The following NHSL1 variants were observed in gnomAD, a reference collection of about 807,000 sequenced individuals.
NHSL1 encodes NHS-like protein 1.
NHSL1 carries 48 observed loss-of-function variants against 95.0 expected under a neutral mutation model. The observed-to-expected ratio is 0.51, with a 90% confidence interval of 0.40 to 0.64. NHSL1 has a LOEUF of 0.64. Ranked by LOEUF, NHSL1 falls within the 30% of genes least tolerant of loss-of-function variation. The probability of loss-of-function intolerance (pLI) is 0.00; values close to 1 mark genes in which losing one functional copy is unlikely to be tolerated. For synonymous variants in NHSL1, 783 were observed against 833.9 expected (o/e 0.94, Z 1.05); for missense variants, 1,971 against 2,077.7 (o/e 0.95, Z 1.00).
chr6:138,669,830 T>G (rs1785340761), intron 1 of NHSL1, among the ~76,000 whole-genome samples: 1 of 152,130 alleles, frequency 6.6e-6, no homozygotes, highest in African/African-American at 2.4e-5. Context: ...CTAAATAAAG[T>G]TACTGACAGG....
chr6:138,537,963 A>G (rs766776929), intron 1 of NHSL1, among the ~76,000 whole-genome samples: 1 of 152,200 alleles, frequency 6.6e-6, no homozygotes, highest in African/African-American at 2.4e-5. Context: ...TGACTGGCAC[A>G]TGGTAAGTGC....
intron 1 of NHSL1, among the ~76,000 whole-genome samples, chr6:138,604,477 G>A (rs1308776092): frequency 6.6e-6 from 1 of 152,164 alleles, no homozygotes; most frequent in Non-Finnish European, 1.5e-5. Context: ...AGCAAGGAGG[G>A]AAGGCTCTTT....
intron 1 of NHSL1, among the ~76,000 whole-genome samples, chr6:138,557,879 G>A (rs1288949120): frequency 6.6e-6 from 1 of 152,186 alleles, no homozygotes; most frequent in Non-Finnish European, 1.5e-5. Flanking sequence ...AAAAGACCAT[G>A]CATGACTACT....
chr6:138,668,177 G>C (rs1346864663), intron 1 of NHSL1, among the ~76,000 whole-genome samples: 2 of 152,192 alleles, frequency 1.3e-5, no homozygotes, highest in Non-Finnish European at 2.9e-5. Context: ...GCTGGGCACA[G>C]TAGCTCACGC....
chr6:138,519,031 T>C (rs1021326081), intron 1 of NHSL1, among the ~76,000 whole-genome samples: 1 of 150,422 alleles, frequency 6.6e-6, no homozygotes, highest in Non-Finnish European at 1.5e-5. Flanking sequence ...AATAAATGAA[T>C]AAATAAATAA....
intron 1 of NHSL1, among the ~76,000 whole-genome samples, chr6:138,587,525 C>G (rs4521605): frequency 0.47 from 67,712 of 144,338 alleles, 17,851 homozygotes; most frequent in African/African-American, 0.72. Flanking sequence ...AAAAAAAAAG[C>G]CTTCATGCTC....
rs533156237 is a variant in NHSL1, at chr6:138,666,282, A to G, written c.96+26194T>C. The stretch of plus-strand genomic sequence containing the variant: ...TGTGCCATTGTACTCCAGCCTGGAC[A>G]ACAAGGGCGAAACTCCGTCTCAAAA... On this transcript the variant is annotated intron_variant, in intron 1 of 3. Coordinates refer to the NHSL1 transcript ENST00000491526. 7.9e-5 allele frequency among the ~76,000 whole-genome samples: 12 copies of G among 151,772 alleles called. No individual in the cohort carries two copies. The South Asian group carries it at 2.3e-3, about 29-fold the overall frequency.
At chr6:138,470,820 G>C (rs529889375) in intron 3 of NHSL1, among the ~76,000 whole-genome samples, 1 of 152,166 alleles carries the variant, frequency 6.6e-6, no homozygotes, top group South Asian at 2.1e-4. Context: ...CAAAAAGAAG[G>C]ACGCTGTGGG....
At chr6:138,510,270 T>C (rs1204883623) in intron 1 of NHSL1, among the ~76,000 whole-genome samples, 1 of 152,204 alleles carries the variant, frequency 6.6e-6, no homozygotes, top group Non-Finnish European at 1.5e-5. Context: ...AATCGGCTGG[T>C]GTGCTCAACT....
At chr6:138,519,082 T>G (rs1257368026) in intron 1 of NHSL1, among the ~76,000 whole-genome samples, 7 of 151,898 alleles carry the variant, frequency 4.6e-5, no homozygotes, top group Admixed American at 3.3e-4. Flanking sequence ...AAATGCCACT[T>G]TAGAATAAAA....
chr6:138,685,789 CAA>C (rs1004908375), intron 1 of NHSL1, among the ~76,000 whole-genome samples: 27 of 151,768 alleles, frequency 1.8e-4, no homozygotes, highest in African/African-American at 6.5e-4. Flanking sequence ...TCAAAAGAAT[CAA>C]AGAGATTATT....
In NHSL1 at chr6:138,610,322, T is replaced by C. The variant is rs147934208; in HGVS notation, c.96+82154A>G. 3.7e-3 allele frequency among the ~76,000 whole-genome samples: 567 copies of C among 151,834 alleles called. 5 individuals are homozygous for C. The highest frequency in any genetic ancestry group is 0.013 in the African/African-American group (537 of 41,390). On this transcript the variant is annotated intron_variant, in intron 1 of 3. Transcript: ENST00000491526. ...ACCAAACACAGCATGTTCTCACTCA[T>C]AGGTGGGAATTGAACAATGAGAACA...
chr6:138,690,333 G>A (rs1236059924), intron 1 of NHSL1, among the ~76,000 whole-genome samples: 1 of 152,132 alleles, frequency 6.6e-6, no homozygotes, highest in African/African-American at 2.4e-5. Flanking sequence ...GTGTGTGAAG[G>A]TGAAAGAAAC....
chr6:138,508,057 A>G (rs1336577751), intron 1 of NHSL1, among the ~76,000 whole-genome samples: 3 of 152,234 alleles, frequency 2.0e-5, no homozygotes, highest in Non-Finnish European at 2.9e-5. Flanking sequence ...CATTGCTGCC[A>G]TCGGCTTGGT....
intron 1 of NHSL1, among the ~76,000 whole-genome samples, chr6:138,687,086 C>T (rs1487231131): frequency 6.6e-6 from 1 of 152,028 alleles, no homozygotes; most frequent in Non-Finnish European, 1.5e-5. Flanking sequence ...AATCTTATGC[C>T]AATTTCGCCA....
At chr6:138,457,807 A>C (rs1777714418) in intron 3 of NHSL1, among the ~76,000 whole-genome samples, 1 of 152,130 alleles carries the variant, frequency 6.6e-6, no homozygotes, top group African/African-American at 2.4e-5. Flanking sequence ...CAGGAGCCCA[A>C]GACCAGCCTG....
chr6:138,519,314 T>C (rs575794631), intron 1 of NHSL1, among the ~76,000 whole-genome samples: 16 of 152,274 alleles, frequency 1.1e-4, no homozygotes, highest in Middle Eastern at 3.4e-3. Context: ...ATTTTCCTTT[T>C]GATAAAGCAA....
chr6:138,423,836 AAAAT>A lies in NHSL1; in HGVS notation c.*241_*244del. 1.2e-5 allele frequency: 4 copies of A among 336,286 alleles called. No homozygotes were observed. Among genetic ancestry groups the A allele is most frequent in the South Asian group, 1.5e-4 (1 of 6,558 alleles). The allele number at this position is 336,286 out of a possible 1,614,324, so 20.8% of individuals were successfully genotyped here. A position where few individuals can be genotyped will look rare whatever the true frequency, so the allele number is the denominator to read the frequency against. On this transcript the variant is annotated 3_prime_UTR_variant, in exon 8 of 8. Transcript: ENST00000343505. ...TTAGCAAAAAAAAAAAAAAAAAAAAAAAATCTTCCCCGGGAAGCACTTTCAGAAG... is the reference window on the plus strand; with the variant it reads ...TTAGCAAAAAAAAAAAAAAAAAAAAACTTCCCCGGGAAGCACTTTCAGAAG...
intron 1 of NHSL1, among the ~76,000 whole-genome samples, chr6:138,654,356 C>T (rs1041445903): frequency 2.0e-5 from 3 of 152,078 alleles, no homozygotes; most frequent in African/African-American, 7.2e-5. Context: ...TTTTGTACAG[C>T]CTTTTTGGAG....
Sources: allele counts gnomAD v4.1 joint callset (sites outside exome capture counted in the v4.1 genomes callset), GRCh38; gene constraint gnomAD v4.1.1; transcripts MANE v1.5; gene names NCBI Gene and HGNC (gene_info 2026-07-23, HGNC 2026-07-21).